The following PFKFB3 variants were observed in gnomAD, a reference collection of about 807,000 sequenced individuals.
PFKFB3 encodes 6-phosphofructo-2-kinase/fructose-2,6-biphosphatase 3.
In PFKFB3, 33 loss-of-function variants were observed where a neutral mutation model predicts 68.0. The ratio of observed to expected loss-of-function variants is 0.49; its 90% CI spans 0.37 to 0.65. The LOEUF is 0.65. Ranked by LOEUF, PFKFB3 falls within the 30% of genes least tolerant of loss-of-function variation. The probability of loss-of-function intolerance (pLI) is 0.00; values close to 1 mark genes in which losing one functional copy is unlikely to be tolerated. For missense variants in PFKFB3, 586 were observed against 712.2 expected (o/e 0.82, Z 2.02); for synonymous variants, 315 against 288.2 (o/e 1.09, Z -0.94).
At chr10:6,150,656 C>T (rs1841544920) in intron 1 of PFKFB3, among the ~76,000 whole-genome samples, 1 of 151,816 alleles carries the variant, frequency 6.6e-6, no homozygotes, top group Non-Finnish European at 1.5e-5. Flanking sequence ...CTTATAAACC[C>T]TAAATGCTGA....
upstream of PFKFB3, among the ~76,000 whole-genome samples, chr10:6,199,519 C>G (rs1372166780): frequency 6.6e-6 from 1 of 151,196 alleles, no homozygotes; most frequent in Non-Finnish European, 1.5e-5. Context: ...GGGTCTCACT[C>G]TGTCACCCAG....
chr10:6,157,880 T>C (rs1017436912), intron 1 of PFKFB3, among the ~76,000 whole-genome samples: 3 of 152,168 alleles, frequency 2.0e-5, no homozygotes, highest in Admixed American at 6.5e-5. Flanking sequence ...ATCCACGTTA[T>C]GGAAAAACCG....
chr10:6,265,081 C>A, the PFKFB3 span, among the ~76,000 whole-genome samples: 3 of 76,638 alleles, frequency 3.9e-5, no homozygotes, highest in African/African-American at 1.3e-4. Context: ...CTTTTTCTTT[C>A]ATTTTTTTTT....
At chr10:6,202,862 C>T, upstream of PFKFB3, 2 of 1,038,782 alleles carry the variant, frequency 1.9e-6, no homozygotes. Flanking sequence ...ATGCGGCCCG[C>T]CCCGAGGCTG....
the PFKFB3 span, among the ~76,000 whole-genome samples, chr10:6,289,630 A>G: frequency 6.6e-6 from 1 of 152,072 alleles, no homozygotes; most frequent in East Asian, 1.9e-4. Context: ...GTTTGAAGTC[A>G]GGTAGCGTGA....
the PFKFB3 span, among the ~76,000 whole-genome samples, chr10:6,312,314 A>AT: frequency 0.96 from 146,392 of 152,046 alleles, 70,747 homozygotes; most frequent in East Asian, 1. Context: ...TAAAATATAC[A>AT]TTTTTTTCCA....
chr10:6,221,417 A>T lies in PFKFB3; in HGVS notation c.868A>T (p.Asn290Tyr). 6.2e-7 allele frequency: 1 copy of T among 1,613,902 alleles called. No individual in the cohort carries two copies. The highest frequency in any genetic ancestry group is 8.5e-7 in the Non-Finnish European group (1 of 1,180,006). ...TCTGAGCAAGTTCGTGGAGGAGCAG[A>T]ACCTGAAGGACCTGCGCGTGTGGAC... is the stretch of plus-strand genomic sequence containing the variant. ...SALSKFVEEQ[N>Y]LKDLRVWTSQ... Residue 290 changes from asparagine (N) to tyrosine (Y), a missense_variant, in exon 9 of 15, where the codon AAC (asparagine) becomes TAC (tyrosine). Physicochemically the swap from Asn to Tyr is moderately radical, Grantham distance 143. Coordinates refer to ENST00000379775, the MANE Select transcript of PFKFB3 (RefSeq NM_004566.4).
chr10:6,224,204 G>A lies in PFKFB3; in HGVS notation c.1332G>A (p.Glu444=), dbSNP rs148777860. 6.2e-7 allele frequency: 1 copy of A among 1,614,058 alleles called. No homozygotes were observed. Among genetic ancestry groups the A allele is most frequent in the Non-Finnish European group, 8.5e-7 (1 of 1,179,998 alleles). The change falls in exon 13 of 15, where the codon GAG becomes GAA. Residue 444 remains glutamate (E), a synonymous_variant. Coordinates refer to ENST00000379775, the MANE Select transcript of PFKFB3 (RefSeq NM_004566.4). ...TGGAGTCCGTCTGCACACACCGGGA[G>A]AGGTCAGAGGTGAGTGGAGGCCCCA... The part of the protein sequence containing the change: ...LNVESVCTHR[E]RSEDAKKGPN...
chr10:6,299,255 T>G, the PFKFB3 span, among the ~76,000 whole-genome samples: 1 of 152,224 alleles, frequency 6.6e-6, no homozygotes, highest in African/African-American at 2.4e-5. Context: ...TTGGTTGTGT[T>G]GCTGCTCTAG....
At chr10:6,196,403 T>C (rs532338268) in intron 1 of PFKFB3, among the ~76,000 whole-genome samples, 1 of 152,220 alleles carries the variant, frequency 6.6e-6, no homozygotes, top group East Asian at 1.9e-4. Flanking sequence ...TAAGGAGCAT[T>C]GACTCCCACG....
chr10:6,306,604 C>G, the PFKFB3 span, among the ~76,000 whole-genome samples: 1 of 152,146 alleles, frequency 6.6e-6, no homozygotes, highest in Non-Finnish European at 1.5e-5. Context: ...GTATGAAAAC[C>G]CAGAAAGATG....
chr10:6,215,411 G>T lies in PFKFB3; in HGVS notation c.299+94G>T, dbSNP rs887417575. 19 of 905,876 alleles carry T rather than the reference G, an allele frequency of 2.1e-5. No homozygotes were observed. In the East Asian group the frequency reaches 5.0e-4, roughly 24 times the overall value. 56.1% of individuals were successfully genotyped at this position (905,876 alleles called of 1,614,324 possible). A position where few individuals can be genotyped will look rare whatever the true frequency, so the allele number is the denominator to read the frequency against. ...CTGCAGGAGTAAGGCTGGGCCGCGG[G>T]CGTAGGGCTGGGCTGTGGGAATAAG... On this transcript the variant is annotated intron_variant, in intron 3 of 14. Coordinates refer to ENST00000379775, the MANE Select transcript of PFKFB3 (RefSeq NM_004566.4). The surrounding 1 kb of genome is among the most constrained non-coding windows in gnomAD (Gnocchi z 4.3).
intron 1 of PFKFB3, 63 bp downstream of exon 1, chr10:6,203,399 G>C (rs1843468447): frequency 2.9e-6 from 4 of 1,365,564 alleles, no homozygotes; most frequent in Non-Finnish European, 1.0e-6. Context: ...CCATTGTGTG[G>C]GGCGGCTTTG....
rs117641247 is a variant in PFKFB3 at position 6,189,129 on chromosome 10, G to A, written c.17-24494G>A. On this transcript the variant is annotated intron_variant, in intron 1 of 14. Transcript: ENST00000379789. ...GCTGGGATTACAGGCGTGAGCCACC[G>A]CACCTGGCGATTTCCTTCCTTTTTA... Among the ~76,000 whole-genome samples the A allele has an allele frequency of 2.8e-3, 426 of 152,230 alleles. 5 individuals carry two copies. The East Asian group carries it at 0.049, about 18-fold the overall frequency.
At chr10:6,235,844 G>A (rs969204506), downstream of PFKFB3, among the ~76,000 whole-genome samples, 1 of 147,924 alleles carries the variant, frequency 6.8e-6, no homozygotes, top group African/African-American at 2.5e-5. Flanking sequence ...TCAGCTCACT[G>A]CAACCTCCTC....
chr10:6,228,266 G>C lies in PFKFB3; in HGVS notation c.1515+1901G>C, dbSNP rs1845490879. On this transcript the variant is annotated intron_variant, in intron 14 of 14. Transcript: ENST00000379775. The surrounding 1 kb of genome is among the most constrained non-coding windows in gnomAD (Gnocchi z 4.5). ...CTGCTGCTTGCACTGCTTTCTTCCT[G>C]CTTGCTCATTTGGCCTCCTGCCTGT... 1 of 1,609,180 alleles carries C rather than the reference G, an allele frequency of 6.2e-7. No individual in the cohort carries two copies. The highest frequency in any genetic ancestry group is 1.3e-5 in the African/African-American group (1 of 74,972).
chr10:6,155,154 A>G (rs1218872893), intron 1 of PFKFB3, among the ~76,000 whole-genome samples: 1 of 151,826 alleles, frequency 6.6e-6, no homozygotes, highest in Non-Finnish European at 1.5e-5. Flanking sequence ...TACTCCGGGC[A>G]CTGAGCATGC....
chr10:6,173,710 C>A (rs1489839930), intron 1 of PFKFB3, among the ~76,000 whole-genome samples: 3 of 151,540 alleles, frequency 2.0e-5, no homozygotes, highest in Admixed American at 2.0e-4. Context: ...GGGAGAGAAG[C>A]AGATCAGCTG....
In PFKFB3 at chr10:6,232,965, C is replaced by T; in HGVS notation, c.*23C>T. On this transcript the variant is annotated 3_prime_UTR_variant, in exon 15 of 15. Coordinates refer to ENST00000379775, the MANE Select transcript of PFKFB3 (RefSeq NM_004566.4). ...TGAGGCAGACGTGTCGGTTCCATTC[C>T]ATTTCCATTTCTGCAGCTTAGCTTG... The T allele has an allele frequency of 6.3e-7, 1 of 1,592,860 alleles. No homozygotes were observed. The highest frequency in any genetic ancestry group is 1.1e-5 in the South Asian group (1 of 90,604).
Sources: allele counts gnomAD v4.1 joint callset (sites outside exome capture counted in the v4.1 genomes callset), GRCh38; gene constraint gnomAD v4.1.1; non-coding constraint Gnocchi (gnomAD v3.1); transcripts MANE v1.5; gene names NCBI Gene and HGNC (gene_info 2026-07-23, HGNC 2026-07-21).